Variants in DCC observed in about 807,000 individuals in gnomAD.
DCC encodes the protein DCC netrin 1 receptor.
DCC carries 58 observed loss-of-function variants against 172.5 expected under a neutral mutation model. That is an observed-to-expected ratio of 0.34 (90% CI 0.27 to 0.42). The LOEUF (loss-of-function observed/expected upper bound fraction) is 0.42. DCC is among the 10% of genes least tolerant of loss of function. The probability of loss-of-function intolerance (pLI) is 1.00; values close to 1 mark genes in which losing one functional copy is unlikely to be tolerated. For missense variants in DCC, 1,740 were observed against 1,791.0 expected (o/e 0.97, Z 0.51); for synonymous variants, 709 against 644.5 (o/e 1.10, Z -1.52).
At chr18:52,782,759 T>G (rs544428529) in intron 2 of DCC, among the ~76,000 whole-genome samples, 3 of 152,054 alleles carry the variant, frequency 2.0e-5, no homozygotes, top group Non-Finnish European at 4.4e-5. Flanking sequence ...TCTAGGTTAG[T>G]GTACAAGAAA....
intron 7 of DCC, among the ~76,000 whole-genome samples, chr18:53,120,444 A>G (rs2043468083): frequency 6.6e-6 from 1 of 151,836 alleles, no homozygotes; most frequent in East Asian, 1.9e-4. Context: ...TCTTTACCAC[A>G]TATAGGAATC....
At chr18:53,159,008 A>AG (rs1555721883) in intron 8 of DCC, among the ~76,000 whole-genome samples, 3 of 119,178 alleles carry the variant, frequency 2.5e-5, no homozygotes, top group Non-Finnish European at 3.3e-5. Flanking sequence ...AAAAAAAAGA[A>AG]GAAGATGTAG....
chr18:53,522,397 T>C (rs183132544), intron 27 of DCC, among the ~76,000 whole-genome samples: 145 of 152,178 alleles, frequency 9.5e-4, no homozygotes, highest in Non-Finnish European at 1.7e-3. Flanking sequence ...TAGAAAATCT[T>C]CACAGAATTA....
At chr18:52,417,235 G>C (rs1342826385) in intron 1 of DCC, among the ~76,000 whole-genome samples, 1 of 152,152 alleles carries the variant, frequency 6.6e-6, no homozygotes, top group Non-Finnish European at 1.5e-5. Flanking sequence ...TTTCTGCCGA[G>C]AGATCCGCTG....
At chr18:52,431,397 G>A (rs1353435192) in intron 1 of DCC, among the ~76,000 whole-genome samples, 1 of 152,180 alleles carries the variant, frequency 6.6e-6, no homozygotes, top group Non-Finnish European at 1.5e-5. Context: ...CCTTGGGGGT[G>A]TAATAGTTAG....
chr18:52,492,908 C>T (rs976625004), intron 1 of DCC, among the ~76,000 whole-genome samples: 2 of 151,964 alleles, frequency 1.3e-5, no homozygotes, highest in Admixed American at 6.6e-5. Flanking sequence ...CATATGATAG[C>T]GGGCAGTCAG....
intron 1 of DCC, among the ~76,000 whole-genome samples, chr18:52,508,443 G>T (rs910669180): frequency 5.3e-5 from 8 of 152,090 alleles, no homozygotes; most frequent in African/African-American, 1.7e-4. Flanking sequence ...TACACAGCAT[G>T]CCTTTATATT....
At chr18:52,407,523 A>G (rs1371458931) in intron 1 of DCC, among the ~76,000 whole-genome samples, 1 of 151,992 alleles carries the variant, frequency 6.6e-6, no homozygotes. Flanking sequence ...TCACGCCCTT[A>G]TATAAGGGCC....
At chr18:53,346,802 A>G (rs1368071102) in intron 15 of DCC, among the ~76,000 whole-genome samples, 1 of 152,150 alleles carries the variant, frequency 6.6e-6, no homozygotes, top group Non-Finnish European at 1.5e-5. Context: ...TTGAGAATGG[A>G]CTATATTTAC....
intron 7 of DCC, among the ~76,000 whole-genome samples, chr18:53,080,709 G>A (rs1360343255): frequency 1.3e-5 from 2 of 152,094 alleles, no homozygotes; most frequent in African/African-American, 2.4e-5. Flanking sequence ...CTCTGCTCAT[G>A]GAGAGAATGA....
rs558756785 is a variant in DCC, at chr18:52,362,685, A to T, written c.91+21807A>T. Among the ~76,000 whole-genome samples, 5 of 152,290 alleles carry T rather than the reference A, an allele frequency of 3.3e-5. No individual in the cohort carries two copies. The South Asian group carries it at 1.0e-3, about 32-fold the overall frequency. Reference sequence around the variant, plus strand: ...GAACCTTAAAAAAATAGAACTTTGGAATATTAAATATTGAAGAAGAAAAGC... The same window carrying T: ...GAACCTTAAAAAAATAGAACTTTGGTATATTAAATATTGAAGAAGAAAAGC... On this transcript the variant is annotated intron_variant, in intron 1 of 28. Coordinates refer to ENST00000442544, the MANE Select transcript of DCC (RefSeq NM_005215.4).
At position 53,042,151 on chromosome 18, in the gene DCC, T is replaced by C. The variant is rs920070929; in HGVS notation, c.986-21154T>C. Among the ~76,000 whole-genome samples the C allele has an allele frequency of 2.0e-5, 3 of 152,024 alleles. No individual in the cohort carries two copies. In the East Asian group the frequency reaches 5.8e-4, roughly 29 times the overall value. ...ATATTGGCTGTGGGTTTGTCATAAATAGATCTTATTATTTTGAGATATGTT... is the reference window on the plus strand; with the variant it reads ...ATATTGGCTGTGGGTTTGTCATAAACAGATCTTATTATTTTGAGATATGTT... On this transcript the variant is annotated intron_variant, in intron 5 of 28. Coordinates refer to ENST00000442544, the MANE Select transcript of DCC (RefSeq NM_005215.4).
chr18:53,268,680 A>T (rs533174933), intron 12 of DCC, among the ~76,000 whole-genome samples: 1 of 152,100 alleles, frequency 6.6e-6, no homozygotes, highest in Non-Finnish European at 1.5e-5. Context: ...TAAAATGGCA[A>T]TGTTTTTATG....
intron 7 of DCC, among the ~76,000 whole-genome samples, chr18:53,088,147 T>C (rs1238810806): frequency 2.0e-5 from 3 of 152,192 alleles, no homozygotes; most frequent in South Asian, 4.1e-4. Flanking sequence ...AAGAAAGTCA[T>C]TGGTAGCTTG....
chr18:52,345,196 C>T (rs1226595165), intron 1 of DCC, among the ~76,000 whole-genome samples: 1 of 152,186 alleles, frequency 6.6e-6, no homozygotes, highest in Admixed American at 6.5e-5. Flanking sequence ...GAAATCTTAG[C>T]TTTGCCTGAG....
At chr18:52,991,494 G>A (rs996545927) in intron 5 of DCC, among the ~76,000 whole-genome samples, 2 of 152,156 alleles carry the variant, frequency 1.3e-5, no homozygotes, top group Non-Finnish European at 2.9e-5. Context: ...TCTCTAAGTG[G>A]TTTATTCTGC....
intron 2 of DCC, among the ~76,000 whole-genome samples, chr18:52,886,462 G>GT (rs1486849462): frequency 1.3e-5 from 2 of 152,180 alleles, no homozygotes; most frequent in African/African-American, 4.8e-5. Flanking sequence ...TCAATGTAAA[G>GT]TCCCCCAGTC....
intron 1 of DCC, among the ~76,000 whole-genome samples, chr18:52,404,044 A>G (rs1986541899): frequency 6.6e-6 from 1 of 152,092 alleles, no homozygotes; most frequent in South Asian, 2.1e-4. Flanking sequence ...ATATTCCAAC[A>G]GGGCATGTCT....
chr18:53,295,332 G>T (rs549771321), intron 12 of DCC, among the ~76,000 whole-genome samples: 39 of 151,972 alleles, frequency 2.6e-4, no homozygotes, highest in Non-Finnish European at 5.6e-4. Context: ...AAAAATATGG[G>T]CCTTTATTAT....
Sources: allele counts gnomAD v4.1 joint callset (sites outside exome capture counted in the v4.1 genomes callset), GRCh38; gene constraint gnomAD v4.1.1; transcripts MANE v1.5; gene names NCBI Gene and HGNC (gene_info 2026-07-23, HGNC 2026-07-21).